Variants in BMP5 observed in about 807,000 individuals in gnomAD.
BMP5 encodes the protein bone morphogenetic protein 5.
In BMP5, 23 loss-of-function variants were observed where a neutral mutation model predicts 46.6. The ratio of observed to expected loss-of-function variants is 0.49; its 90% CI spans 0.35 to 0.70. BMP5 has a LOEUF of 0.70. Ranked by LOEUF, BMP5 falls within the 30% of genes least tolerant of loss-of-function variation. BMP5 has a pLI of 0.00. For missense variants in BMP5, 545 were observed against 565.6 expected, an observed-to-expected ratio of 0.96 and a Z score of 0.37; for synonymous variants, 204 against 191.9, an observed-to-expected ratio of 1.06 and a Z score of -0.52.
chr6:55,767,604 G>A (rs1048107331), intron 4 of BMP5, among the ~76,000 whole-genome samples: 7 of 151,814 alleles, frequency 4.6e-5, no homozygotes, highest in African/African-American at 1.4e-4. Flanking sequence ...GCTAGCTAAC[G>A]ACATACTATA....
chr6:55,764,571 CAAAAAAAA>C (rs57293392), intron 4 of BMP5, among the ~76,000 whole-genome samples: 1 of 110,154 alleles, frequency 9.1e-6, no homozygotes, highest in African/African-American at 3.3e-5. Context: ...GACTCTGTCT[CAAAAAAAA>C]AAAAAAAAGA....
intron 3 of BMP5, among the ~76,000 whole-genome samples, chr6:55,776,651 A>T (rs756048835): frequency 6.6e-6 from 1 of 151,830 alleles, no homozygotes; most frequent in Non-Finnish European, 1.5e-5. Context: ...GACTGCAGAA[A>T]TCATTTTTAA....
chr6:55,819,567 G>T, intron 2 of BMP5, 88 bp downstream of exon 2: 1 of 1,078,566 alleles, frequency 9.3e-7, no homozygotes. Flanking sequence ...AAAATAATTT[G>T]TTTGATAGAT....
rs978592036 is a variant in BMP5, at chr6:55,774,320, C to T, written c.833-77G>A. On this transcript the variant is annotated intron_variant, in intron 3 of 6. Transcript: ENST00000370830. ...CTGATGTGAATGAATTCTGAGGGTACTTTGAAAAGGGGAAAAGTTTTAAAA... is the reference window on the plus strand; with the variant it reads ...CTGATGTGAATGAATTCTGAGGGTATTTTGAAAAGGGGAAAAGTTTTAAAA... 2.3e-5 allele frequency: 33 copies of T among 1,416,722 alleles called. No homozygotes were observed. In the African/African-American group the frequency reaches 4.4e-4, roughly 19 times the overall value. The allele number at this position is 1,416,722 out of a possible 1,614,324, so 87.8% of individuals were successfully genotyped here.
intron 1 of BMP5, among the ~76,000 whole-genome samples, chr6:55,851,096 G>A (rs1259433911): frequency 6.8e-6 from 1 of 147,926 alleles, no homozygotes; most frequent in African/African-American, 2.5e-5. Flanking sequence ...AAATATTAGT[G>A]TTGTGGGTTT....
At chr6:55,843,706 T>C (rs1777023115) in intron 1 of BMP5, among the ~76,000 whole-genome samples, 2 of 152,182 alleles carry the variant, frequency 1.3e-5, no homozygotes, top group Admixed American at 6.6e-5. Flanking sequence ...TATACTATCA[T>C]ATCAAATGCA....
At chr6:55,768,318 T>C (rs1407574520) in intron 4 of BMP5, among the ~76,000 whole-genome samples, 1 of 151,996 alleles carries the variant, frequency 6.6e-6, no homozygotes, top group Non-Finnish European at 1.5e-5. Flanking sequence ...ATTTTTTAAA[T>C]TGATGATGGT....
chr6:55,792,931 T>C (rs1352813052), intron 3 of BMP5, among the ~76,000 whole-genome samples: 1 of 152,018 alleles, frequency 6.6e-6, no homozygotes, highest in Non-Finnish European at 1.5e-5. Context: ...TAATGATCTT[T>C]TTAAAAATTA....
intron 1 of BMP5, among the ~76,000 whole-genome samples, chr6:55,840,731 T>C (rs1776927347): frequency 6.6e-6 from 1 of 152,218 alleles, no homozygotes; most frequent in Admixed American, 6.5e-5. Context: ...AAATGAGCCA[T>C]CATTTATATC....
chr6:55,761,932 A>G (rs1774793413), intron 4 of BMP5, among the ~76,000 whole-genome samples: 1 of 152,142 alleles, frequency 6.6e-6, no homozygotes, highest in Non-Finnish European at 1.5e-5. Flanking sequence ...CATTCAAAAA[A>G]GTATCTGAGG....
chr6:55,793,613 G>C (rs1775626740), intron 3 of BMP5, among the ~76,000 whole-genome samples: 1 of 152,132 alleles, frequency 6.6e-6, no homozygotes, highest in Non-Finnish European at 1.5e-5. Context: ...AAATACTTGT[G>C]AGCATAAGAA....
chr6:55,872,979 G>C (rs1777820025), intron 1 of BMP5, among the ~76,000 whole-genome samples: 1 of 151,832 alleles, frequency 6.6e-6, no homozygotes, highest in African/African-American at 2.4e-5. Flanking sequence ...TGTGAAGTCT[G>C]TTAATTATAC....
chr6:55,851,198 C>G (rs1218733906), intron 1 of BMP5, among the ~76,000 whole-genome samples: 2 of 132,366 alleles, frequency 1.5e-5, no homozygotes, highest in Non-Finnish European at 3.3e-5. Context: ...CATTTTTTTT[C>G]TCTTAATTTT....
chr6:55,800,780 A>G (rs1210650757), intron 2 of BMP5, among the ~76,000 whole-genome samples: 1 of 152,202 alleles, frequency 6.6e-6, no homozygotes, highest in African/African-American at 2.4e-5. Context: ...ATTTTTTCAT[A>G]AGGAAATTTA....
intron 2 of BMP5, among the ~76,000 whole-genome samples, chr6:55,805,340 C>A (rs1432105811): frequency 6.6e-6 from 1 of 152,060 alleles, no homozygotes; most frequent in Non-Finnish European, 1.5e-5. Context: ...CCTATCAACC[C>A]GTCATCAAAG....
At chr6:55,774,658 G>C (rs1292429010) in intron 3 of BMP5, among the ~76,000 whole-genome samples, 2 of 151,926 alleles carry the variant, frequency 1.3e-5, no homozygotes, top group African/African-American at 2.4e-5. Flanking sequence ...TACTTGGCAG[G>C]GTGTTTCTAC....
intron 2 of BMP5, among the ~76,000 whole-genome samples, chr6:55,799,618 A>G (rs1340394539): frequency 6.6e-6 from 1 of 152,172 alleles, no homozygotes; most frequent in Non-Finnish European, 1.5e-5. Flanking sequence ...TTTTCAGTTT[A>G]TCTATCTTCC....
At chr6:55,785,900 T>C (rs1331259383) in intron 3 of BMP5, among the ~76,000 whole-genome samples, 3 of 151,808 alleles carry the variant, frequency 2.0e-5, no homozygotes, top group Non-Finnish European at 3.0e-5. Context: ...TTTGCTATGA[T>C]ACTAAAGCAT....
intron 1 of BMP5, among the ~76,000 whole-genome samples, chr6:55,837,572 A>G (rs1410229250): frequency 2.0e-5 from 3 of 152,174 alleles, no homozygotes; most frequent in Admixed American, 6.6e-5. Flanking sequence ...AGATGTTTCA[A>G]TACTGGCAGG....
Sources: allele counts gnomAD v4.1 joint callset (sites outside exome capture counted in the v4.1 genomes callset), GRCh38; gene constraint gnomAD v4.1.1; transcripts MANE v1.5; gene names NCBI Gene and HGNC (gene_info 2026-07-23, HGNC 2026-07-21).